ARHGAP1: variants seen among roughly 807,000 people sequenced by gnomAD.
The protein encoded by ARHGAP1 is rho GTPase-activating protein 1.
In ARHGAP1, 23 loss-of-function variants were observed where a neutral mutation model predicts 52.2. That is an observed-to-expected ratio of 0.44 (90% confidence interval 0.32 to 0.62). The LOEUF (loss-of-function observed/expected upper bound fraction) is 0.62. Among genes scored for constraint, ARHGAP1 ranks in the 20% least tolerant of loss-of-function variants. ARHGAP1 has a pLI of 0.05. For missense variants in ARHGAP1, 480 were observed against 560.9 expected (o/e 0.86, Z 1.46); for synonymous variants, 210 against 228.4 (o/e 0.92, Z 0.73).
At chr11:46,691,476 G>A (rs2064615010) in intron 3 of ARHGAP1, among the ~76,000 whole-genome samples, 1 of 148,434 alleles carries the variant, frequency 6.7e-6, no homozygotes, top group African/African-American at 2.5e-5. Context: ...TTTTTGAGAT[G>A]GAGTTTTGCT....
At chr11:46,694,111 G>A (rs573591368) in intron 3 of ARHGAP1, among the ~76,000 whole-genome samples, 2 of 152,098 alleles carry the variant, frequency 1.3e-5, no homozygotes, top group South Asian at 4.2e-4. Flanking sequence ...CAGCAATCAG[G>A]GAGGCACATC....
intron 3 of ARHGAP1, among the ~76,000 whole-genome samples, chr11:46,690,659 C>T (rs141019052): frequency 5.9e-5 from 9 of 152,274 alleles, no homozygotes; most frequent in East Asian, 1.9e-4. Context: ...GCATAATCGC[C>T]GCCTGGAATC....
rs1442811997 is a variant in ARHGAP1, at chr11:46,681,290, C to T, written c.536+3G>A. 2 of 1,612,124 alleles carry T rather than the reference C, an allele frequency of 1.2e-6. No individual in the cohort carries two copies. Among genetic ancestry groups the T allele is most frequent in the African/African-American group, 1.3e-5 (1 of 74,864 alleles). The stretch of plus-strand genomic sequence containing the variant: ...ACCACCAGCCCTGCCCGTGGCCACT[C>T]ACCTGATGAGGGGCTTGAAGAGGAT... On this transcript the variant is annotated splice_donor_region_variant and intron_variant, in intron 6 of 12. Transcript: ENST00000311956. This position sits in a 1 kb window ranked among gnomAD's most constrained non-coding sequence, Gnocchi z 5.7.
intron 3 of ARHGAP1, among the ~76,000 whole-genome samples, chr11:46,690,734 C>T (rs982678485): frequency 6.6e-6 from 1 of 152,134 alleles, no homozygotes. Context: ...CAGCATAAAC[C>T]GTCACCCATC....
intron 3 of ARHGAP1, 78 bp from the exon 4 acceptor site, chr11:46,688,338 G>T: frequency 7.1e-7 from 1 of 1,404,756 alleles, no homozygotes; most frequent in Non-Finnish European, 9.9e-7. Context: ...AAAGGGGCCA[G>T]GCCTGCTGAT....
chr11:46,681,939 C>T lies in ARHGAP1; in HGVS notation c.449+112G>A. ...TCTTTACATTGACGTAGACGGCAGC[C>T]CCCGCCACCCCCTGCCTTGGAATAA... On this transcript the variant is annotated intron_variant, in intron 5 of 12. Coordinates refer to ENST00000311956, the MANE Select transcript of ARHGAP1 (RefSeq NM_004308.5). This position sits in a 1 kb window ranked among gnomAD's most constrained non-coding sequence, Gnocchi z 5.7. The T allele has an allele frequency of 6.8e-7, 1 of 1,476,346 alleles. No homozygotes were observed. The highest frequency in any genetic ancestry group is 9.2e-7 in the Non-Finnish European group (1 of 1,085,448). 91.5% of individuals were successfully genotyped at this position (1,476,346 alleles called of 1,614,324 possible).
In ARHGAP1 at chr11:46,681,669, A is replaced by C. The variant is rs985914869; in HGVS notation, c.450-290T>G. 6.6e-6 allele frequency among the ~76,000 whole-genome samples: 1 copy of C among 152,092 alleles called. No homozygotes were observed. Among genetic ancestry groups the C allele is most frequent in the African/African-American group, 2.4e-5 (1 of 41,422 alleles). On this transcript the variant is annotated intron_variant, in intron 5 of 12. Transcript: ENST00000311956. The surrounding 1 kb of genome is among the most constrained non-coding windows in gnomAD (Gnocchi z 5.7). ...GGCTGGTCTGGAACTCCTGACCTCA[A>C]GTGATCCATCCGCCTCAGCTTCCCA...
chr11:46,694,616 C>A (rs1592392307), intron 3 of ARHGAP1, among the ~76,000 whole-genome samples: 2 of 152,158 alleles, frequency 1.3e-5, no homozygotes, highest in Admixed American at 6.5e-5. Context: ...ACATCAGGTA[C>A]CCCCCAGACT....
In ARHGAP1 at chr11:46,680,532, T is replaced by C. The variant is rs756496497; in HGVS notation, c.775A>G (p.Ile259Val). 1.9e-5 allele frequency: 31 copies of C among 1,613,964 alleles called. No individual in the cohort carries two copies. Among genetic ancestry groups the C allele is most frequent in the Non-Finnish European group, 2.5e-5 (30 of 1,180,010 alleles). The change falls in exon 9 of 13, where the codon ATT (isoleucine) becomes GTT (valine). Residue 259 changes from isoleucine to valine, a missense_variant. Physicochemically the swap from Ile to Val is conservative, Grantham distance 29. Coordinates refer to ENST00000311956, the MANE Select transcript of ARHGAP1 (RefSeq NM_004308.5). The surrounding 1 kb of genome is among the most constrained non-coding windows in gnomAD (Gnocchi z 5.9). ...ACAGTCTCCCTGAGTACAATGGGAA[T>C]GGGCTCCTGCTCTGGATTCTTCTCC... is the stretch of plus-strand genomic sequence containing the variant. ...LQEKNPEQEP[I>V]PIVLRETVAY...
chr11:46,679,367 G>A lies in ARHGAP1; in HGVS notation c.1129C>T (p.Gln377Ter), dbSNP rs2064505626. ...AGAGGCCAAGTCCAAGGTCTCACCT[G>A]CACCAGGAAAGCAGTCAGGAAACGA... ...VLRFLTAFLV[Q>*]ISAHSDQNKM... Residue 377 changes from glutamine (Q) to a stop codon, truncating the protein, a stop_gained and splice_region_variant, in exon 12 of 13, where the codon CAG (glutamine) becomes TAG (stop). Transcript: ENST00000311956. LOFTEE classifies it high-confidence loss of function. This position sits in a 1 kb window ranked among gnomAD's most constrained non-coding sequence, Gnocchi z 4.4. 1 of 1,613,950 alleles carries A rather than the reference G, an allele frequency of 6.2e-7. No homozygotes were observed.
chr11:46,693,355 G>C (rs2064629107), intron 3 of ARHGAP1, among the ~76,000 whole-genome samples: 2 of 150,404 alleles, frequency 1.3e-5, no homozygotes, highest in Admixed American at 6.7e-5. Flanking sequence ...ACCTTTCATA[G>C]TTGCAAAGTG....
Position 46,678,771 on chromosome 11 carries a change from A to G in ARHGAP1, c.*266T>C. 1 of 489,874 alleles carries G rather than the reference A, an allele frequency of 2.0e-6. No homozygotes were observed. The highest frequency in any genetic ancestry group is 2.6e-5 in the South Asian group (1 of 38,198). 30.3% of individuals were successfully genotyped at this position (489,874 alleles called of 1,614,324 possible). ...GGTTACTGGGGCTCAGTCCTTCTCC[A>G]GCTGGAAGAGCCAAGCCCAGCTCTG... On this transcript the variant is annotated 3_prime_UTR_variant, in exon 13 of 13. Coordinates refer to ENST00000311956, the MANE Select transcript of ARHGAP1 (RefSeq NM_004308.5).
intron 3 of ARHGAP1, among the ~76,000 whole-genome samples, chr11:46,691,370 C>T (rs1022884990): frequency 1.3e-5 from 2 of 151,602 alleles, no homozygotes; most frequent in Non-Finnish European, 2.9e-5. Context: ...CTGCAACCAC[C>T]ACCTCCTAAG....
At position 46,679,741 on chromosome 11, in the gene ARHGAP1, G is replaced by A; in HGVS notation, c.934C>T (p.His312Tyr). The A allele has an allele frequency of 1.2e-6, 2 of 1,613,940 alleles. No homozygotes were observed. The highest frequency in any genetic ancestry group is 1.7e-6 in the Non-Finnish European group (2 of 1,179,984). ...PVDFDQYNEL[H>Y]LPAVILKTFL... ...GTCTTGAGGATGACTGCTGGCAGGT[G>A]CAGCTCATTGTACTGGTCGAAATCC... The change falls in exon 11 of 13, where the codon CAC (histidine) becomes TAC (tyrosine). Residue 312 changes from histidine to tyrosine, a missense_variant. Physicochemically the swap from His to Tyr is moderately conservative, Grantham distance 83 (BLOSUM62 2). Coordinates refer to ENST00000311956, the MANE Select transcript of ARHGAP1 (RefSeq NM_004308.5). The surrounding 1 kb of genome is among the most constrained non-coding windows in gnomAD (Gnocchi z 4.4).
chr11:46,682,326 T>G, intron 4 of ARHGAP1, 144 bp from the exon 5 acceptor site: 1 of 1,157,968 alleles, frequency 8.6e-7, no homozygotes, highest in Non-Finnish European at 1.2e-6. Flanking sequence ...TGGCTCATAA[T>G]CAGTCACCAG....
Position 46,695,960 on chromosome 11 carries a change from C to A in ARHGAP1, c.133+15G>T. ...TAAAGCGCCTGTAGCTGCCTGAGAC[C>A]AGACACAAGCCCACCTGACTTGGGG... is the stretch of plus-strand genomic sequence containing the variant. On this transcript the variant is annotated intron_variant, in intron 2 of 12. Transcript: ENST00000311956. 1 of 1,614,184 alleles carries A rather than the reference C, an allele frequency of 6.2e-7. No individual in the cohort carries two copies. Among genetic ancestry groups the A allele is most frequent in the Non-Finnish European group, 8.5e-7 (1 of 1,180,016 alleles).
intron 3 of ARHGAP1, among the ~76,000 whole-genome samples, chr11:46,694,071 G>A (rs1049780246): frequency 2.0e-5 from 3 of 152,062 alleles, no homozygotes; most frequent in Admixed American, 6.5e-5. Flanking sequence ...CACCAAATGA[G>A]TGCCTGGTGA....
At position 46,680,450 on chromosome 11, in the gene ARHGAP1, G is replaced by A. The variant is rs532359438; in HGVS notation, c.820+37C>T. 1.2e-6 allele frequency: 2 copies of A among 1,611,218 alleles called. No individual in the cohort carries two copies. Among genetic ancestry groups the A allele is most frequent in the South Asian group, 1.1e-5 (1 of 91,014 alleles). The stretch of plus-strand genomic sequence containing the variant: ...TCCCCAGCTTCCTGAAGGGAGCCGG[G>A]AGACCTGGCTGGTGAGGAGGCAGGC... On this transcript the variant is annotated intron_variant, in intron 9 of 12. Coordinates refer to ENST00000311956, the MANE Select transcript of ARHGAP1 (RefSeq NM_004308.5). The surrounding 1 kb of genome is among the most constrained non-coding windows in gnomAD (Gnocchi z 5.9).
Position 46,678,794 on chromosome 11 carries a change from C to G in ARHGAP1, c.*243G>C. ...CCAGCTGGAAGAGCCAAGCCCAGCT[C>G]TGGAGAGCCCAGCAAAAGCCCGGTG... is the stretch of plus-strand genomic sequence containing the variant. On this transcript the variant is annotated 3_prime_UTR_variant, in exon 13 of 13. Transcript: ENST00000311956. 3.7e-6 allele frequency: 2 copies of G among 545,868 alleles called. No individual in the cohort carries two copies. The highest frequency in any genetic ancestry group is 6.5e-6 in the Non-Finnish European group (2 of 307,766). The allele number at this position is 545,868 out of a possible 1,614,324, so 33.8% of individuals were successfully genotyped here.
Sources: gnomAD v4.1 joint callset for allele counts (sites outside exome capture counted in the v4.1 genomes callset) on GRCh38, gnomAD v4.1.1 for gene constraint, Gnocchi (gnomAD v3.1) non-coding constraint, MANE v1.5 for transcripts, NCBI Gene and HGNC (gene_info 2026-07-23, HGNC 2026-07-21) for gene names.